The following PRR5L variants were observed in gnomAD, a reference collection of about 807,000 sequenced individuals.
The protein encoded by PRR5L is proline rich 5 like, also known as proline-rich protein 5-like.
Under a neutral mutation model 36.4 loss-of-function variants are expected in PRR5L, and 21 were observed. The observed-to-expected ratio is 0.58, with a 90% CI of 0.41 to 0.83. PRR5L has a LOEUF of 0.83. PRR5L is among the 40% of genes least tolerant of loss of function. PRR5L has a pLI of 0.00. For missense variants in PRR5L, 381 were observed against 473.3 expected, an observed-to-expected ratio of 0.80 and a Z score of 1.81; for synonymous variants, 188 against 197.0, an observed-to-expected ratio of 0.95 and a Z score of 0.38.
intron 3 of PRR5L, among the ~76,000 whole-genome samples, chr11:36,412,990 G>A (rs1858058969): frequency 6.6e-6 from 1 of 152,192 alleles, no homozygotes; most frequent in Non-Finnish European, 1.5e-5. Flanking sequence ...AAGTGAGGAA[G>A]CGTCTGCCAA....
chr11:36,426,343 T>G (rs1013528507), intron 4 of PRR5L, among the ~76,000 whole-genome samples: 25 of 152,360 alleles, frequency 1.6e-4, no homozygotes, highest in Middle Eastern at 3.4e-3. Flanking sequence ...AACACTTACT[T>G]TGTTAGAACA....
chr11:36,365,196 G>A lies in PRR5L; in HGVS notation c.-125-35801G>A, dbSNP rs145552550. 4.8e-3 allele frequency among the ~76,000 whole-genome samples: 735 copies of A among 152,274 alleles called. 6 individuals carry two copies. Among genetic ancestry groups the A allele is most frequent in the African/African-American group, 0.017 (700 of 41,530 alleles). ...TGGTTCTTATGATAAAGCACTTAGC[G>A]GGAATGATCGTTCAAGTTTACTTGC... On this transcript the variant is annotated intron_variant, in intron 1 of 8. Coordinates refer to ENST00000530639, the MANE Select transcript of PRR5L (RefSeq NM_001160167.2).
intron 1 of PRR5L, among the ~76,000 whole-genome samples, chr11:36,316,186 C>A (rs1360246758): frequency 6.6e-6 from 1 of 152,158 alleles, no homozygotes; most frequent in African/African-American, 2.4e-5. Context: ...CTCAACACTG[C>A]CATTGTAGGG....
chr11:36,306,008 T>C (rs1856427500), intron 1 of PRR5L, among the ~76,000 whole-genome samples: 1 of 152,224 alleles, frequency 6.6e-6, no homozygotes, highest in Non-Finnish European at 1.5e-5. Flanking sequence ...GCCTAGCTTA[T>C]GTCACTTAGC....
At position 36,451,066 on chromosome 11, in the gene PRR5L, C is replaced by T. The variant is rs374047046; in HGVS notation, c.586-143C>T. On this transcript the variant is annotated intron_variant, in intron 7 of 8. Transcript: ENST00000530639. ...GACTAAGGCTTCAGGCCTCAGTTTC[C>T]TTCATCCTAACTGCAAGGATGCTGC... 6 of 993,702 alleles carry T rather than the reference C, an allele frequency of 6.0e-6. No individual in the cohort carries two copies. The African/African-American group carries it at 6.5e-5, about 11-fold the overall frequency. 61.6% of individuals were successfully genotyped at this position (993,702 alleles called of 1,614,324 possible).
At chr11:36,363,746 ACTCTTC>A (rs1162623301) in intron 1 of PRR5L, among the ~76,000 whole-genome samples, 3 of 151,994 alleles carry the variant, frequency 2.0e-5, no homozygotes, top group African/African-American at 7.3e-5. Flanking sequence ...CAAGGCACTT[ACTCTTC>A]CAGAAACAGC....
intron 3 of PRR5L, among the ~76,000 whole-genome samples, chr11:36,403,710 AG>A (rs1857850341): frequency 2.0e-5 from 3 of 152,192 alleles, no homozygotes; most frequent in African/African-American, 7.2e-5. Context: ...AATTCAGCTT[AG>A]TTGTTGGAAC....
intron 3 of PRR5L, among the ~76,000 whole-genome samples, chr11:36,405,334 C>T (rs1857887229): frequency 6.6e-6 from 1 of 152,182 alleles, no homozygotes; most frequent in Non-Finnish European, 1.5e-5. Flanking sequence ...TGTAAATTTT[C>T]TGACTTTTAA....
At chr11:36,345,401 A>G (rs983082435) in intron 1 of PRR5L, among the ~76,000 whole-genome samples, 5 of 152,154 alleles carry the variant, frequency 3.3e-5, no homozygotes, top group African/African-American at 1.2e-4. Flanking sequence ...CGTAGGGAAC[A>G]TGATTGCAGT....
chr11:36,446,902 T>G (rs1858843450), intron 7 of PRR5L, among the ~76,000 whole-genome samples: 1 of 152,194 alleles, frequency 6.6e-6, no homozygotes, highest in Non-Finnish European at 1.5e-5. Flanking sequence ...TACTTTCTAG[T>G]CTCTACTTGT....
intron 1 of PRR5L, among the ~76,000 whole-genome samples, chr11:36,346,586 GAA>G (rs756982821): frequency 7.1e-6 from 1 of 140,122 alleles, no homozygotes; most frequent in Admixed American, 7.2e-5. Context: ...CCATCTCAAA[GAA>G]AAAAAAAAAG....
intron 4 of PRR5L, among the ~76,000 whole-genome samples, chr11:36,430,229 G>T (rs1858464701): frequency 6.6e-6 from 1 of 152,102 alleles, no homozygotes; most frequent in African/African-American, 2.4e-5. Context: ...GGCCAACATG[G>T]TGAAACCCCG....
rs771993504 is a variant in PRR5L at position 36,401,166 on chromosome 11, G to A, written c.45G>A (p.Lys15=). The part of the protein sequence containing the change: ...FAPILPVEFH[K]MGSFRRPRPR... ...CCATTCTGCCCGTCGAGTTCCACAA[G>A]ATGGGCTCCTTCCGCAGGCCTAGAC... is the stretch of plus-strand genomic sequence containing the variant. Residue 15 remains lysine, a synonymous_variant, in exon 2 of 9, where the codon AAG becomes AAA. Coordinates refer to ENST00000530639, the MANE Select transcript of PRR5L (RefSeq NM_001160167.2). The A allele has an allele frequency of 6.2e-7, 1 of 1,614,070 alleles. No homozygotes were observed. Among genetic ancestry groups the A allele is most frequent in the Middle Eastern group, 1.6e-4 (1 of 6,084 alleles).
intron 3 of PRR5L, among the ~76,000 whole-genome samples, chr11:36,418,813 A>G (rs1448368000): frequency 1.3e-5 from 2 of 152,066 alleles, no homozygotes; most frequent in African/African-American, 2.4e-5. Context: ...TAATAATAAT[A>G]AATAATTACT....
chr11:36,465,068 A>T lies in PRR5L; in HGVS notation c.*2332A>T, dbSNP rs1354439427. 1 of 152,078 alleles carries T rather than the reference A, an allele frequency of 6.6e-6. No homozygotes were observed. Among genetic ancestry groups the T allele is most frequent in the Non-Finnish European group, 1.5e-5 (1 of 68,016 alleles). The allele number at this position is 152,078 out of a possible 1,614,324, so 9.4% of individuals were successfully genotyped here. A position where few individuals can be genotyped will look rare whatever the true frequency, so the allele number is the denominator to read the frequency against. On this transcript the variant is annotated 3_prime_UTR_variant, in exon 9 of 9. Transcript: ENST00000530639. ...CTTTTTCTCTCCTAGATTCATTTTC[A>T]TTATTTATGCTAGGATTTTCTTATG...
chr11:36,449,151 G>T (rs542437806), intron 7 of PRR5L, among the ~76,000 whole-genome samples: 31 of 152,180 alleles, frequency 2.0e-4, no homozygotes, highest in African/African-American at 7.5e-4. Context: ...TGAAGAACCC[G>T]GATCTTTCCC....
intron 3 of PRR5L, among the ~76,000 whole-genome samples, chr11:36,413,145 T>C (rs922102146): frequency 1.3e-5 from 2 of 152,098 alleles, no homozygotes; most frequent in African/African-American, 4.8e-5. Context: ...TATACATGGA[T>C]TGTAGATTTG....
chr11:36,427,251 A>T (rs1858401053), intron 4 of PRR5L, among the ~76,000 whole-genome samples: 1 of 152,150 alleles, frequency 6.6e-6, no homozygotes, highest in South Asian at 2.1e-4. Flanking sequence ...ACTTCATTAT[A>T]GTGCGACTTG....
At chr11:36,407,227 C>A (rs1286806181) in intron 3 of PRR5L, among the ~76,000 whole-genome samples, 1 of 152,170 alleles carries the variant, frequency 6.6e-6, no homozygotes, top group Non-Finnish European at 1.5e-5. Flanking sequence ...GTCATGCTCC[C>A]ACCTGTAATC....
Sources: allele counts gnomAD v4.1 joint callset (sites outside exome capture counted in the v4.1 genomes callset), GRCh38; gene constraint gnomAD v4.1.1; transcripts MANE v1.5; gene names NCBI Gene and HGNC (gene_info 2026-07-23, HGNC 2026-07-21).